The following COL4A2 variants were observed in gnomAD, a reference collection of about 807,000 sequenced individuals.
The protein encoded by COL4A2 is collagen alpha-2(IV) chain.
Under a neutral mutation model 200.2 loss-of-function variants are expected in COL4A2, and 99 were observed. That is an observed-to-expected ratio of 0.49 (90% CI 0.42 to 0.58). The LOEUF is 0.58. COL4A2 is among the 20% of genes least tolerant of loss of function. The probability of loss-of-function intolerance (pLI) is 0.00; values close to 1 mark genes in which losing one functional copy is unlikely to be tolerated. For synonymous variants in COL4A2, 897 were observed against 900.6 expected (o/e 1.00, Z 0.07); for missense variants, 1,950 against 2,314.1 (o/e 0.84, Z 3.23).
chr13:110,507,716 TAGA>T, intron 46 of COL4A2: 2 of 596,018 alleles, frequency 3.4e-6, no homozygotes, highest in South Asian at 2.1e-5. Flanking sequence ...TGAGAACTTG[TAGA>T]AGAACAGAGC....
At chr13:110,311,477 A>G (rs1346835476) in intron 3 of COL4A2, among the ~76,000 whole-genome samples, 1 of 152,188 alleles carries the variant, frequency 6.6e-6, no homozygotes, top group Non-Finnish European at 1.5e-5. Flanking sequence ...TGGGGCGGAC[A>G]TTCGCCAAGC....
chr13:110,308,221 G>T (rs912954865), intron 3 of COL4A2, 98 bp downstream of exon 3: 8 of 1,319,000 alleles, frequency 6.1e-6, no homozygotes, highest in African/African-American at 1.4e-5. Flanking sequence ...GCTCCCGAGT[G>T]TGTGTGTGCG....
In COL4A2 at chr13:110,495,436, C is replaced by T. The variant is rs753652216; in HGVS notation, c.3729C>T (p.Val1243=). ...EANTLPGPVG[V]PGQKGDQGAP... is the part of the protein sequence containing the mutation. ...ACACCCTTCCAGGCCCTGTGGGAGT[C>T]CCAGGACAGAAAGGAGACCAAGGAG... Residue 1243 remains valine, a synonymous_variant, in exon 40 of 48, where the codon GTC becomes GTT. Coordinates refer to ENST00000360467, the MANE Select transcript of COL4A2 (RefSeq NM_001846.4). The T allele has an allele frequency of 1.2e-6, 2 of 1,613,708 alleles. No homozygotes were observed. The highest frequency in any genetic ancestry group is 1.7e-6 in the Non-Finnish European group (2 of 1,179,906).
At chr13:110,418,233 G>C (rs1285561583) in intron 4 of COL4A2, among the ~76,000 whole-genome samples, 4 of 152,154 alleles carry the variant, frequency 2.6e-5, no homozygotes, top group Non-Finnish European at 5.9e-5. Context: ...CATATCTTTA[G>C]TATTGAGTTT....
At chr13:110,395,374 A>C (rs1401178522) in intron 4 of COL4A2, among the ~76,000 whole-genome samples, 1 of 152,182 alleles carries the variant, frequency 6.6e-6, no homozygotes, top group Non-Finnish European at 1.5e-5. Context: ...CATTGTGGAC[A>C]GATACTATAT....
At chr13:110,370,339 A>G (rs530271025) in intron 4 of COL4A2, among the ~76,000 whole-genome samples, 1 of 152,084 alleles carries the variant, frequency 6.6e-6, no homozygotes, top group South Asian at 2.1e-4. Flanking sequence ...TCTCGACTCA[A>G]TGCAACCTCC....
At chr13:110,319,313 G>T (rs1212310997) in intron 3 of COL4A2, among the ~76,000 whole-genome samples, 1 of 152,182 alleles carries the variant, frequency 6.6e-6, no homozygotes, top group East Asian at 1.9e-4. Context: ...TTAAATTTCA[G>T]TCAAGGTGTA....
intron 4 of COL4A2, among the ~76,000 whole-genome samples, chr13:110,420,663 C>T (rs901835819): frequency 3.3e-5 from 5 of 152,134 alleles, no homozygotes; most frequent in African/African-American, 9.7e-5. Context: ...CTTTTCCTGT[C>T]GGGACTTTTT....
At chr13:110,350,387 A>G (rs2139380326) in intron 3 of COL4A2, among the ~76,000 whole-genome samples, 1 of 152,370 alleles carries the variant, frequency 6.6e-6, no homozygotes, top group South Asian at 2.1e-4. Context: ...TTTTAAAAAA[A>G]TTAAAAGAGA....
At chr13:110,373,138 T>C in intron 4 of COL4A2, among the ~76,000 whole-genome samples, 1 of 152,226 alleles carries the variant, frequency 6.6e-6, no homozygotes, top group East Asian at 1.9e-4. Flanking sequence ...TATGAATCAT[T>C]TGGGGTGTCT....
At chr13:110,494,432 T>C (rs1456446543) in intron 39 of COL4A2, among the ~76,000 whole-genome samples, 11 of 152,238 alleles carry the variant, frequency 7.2e-5, no homozygotes, top group Admixed American at 1.3e-4. Flanking sequence ...AAATCTATTA[T>C]AGGACTAATA....
intron 13 of COL4A2, 27 bp from the exon 14 acceptor site, chr13:110,437,975 G>A (rs553466101): frequency 2.1e-5 from 34 of 1,593,926 alleles, no homozygotes; most frequent in Admixed American, 6.7e-5. Context: ...ATTAATAAGC[G>A]TTTCTTATTT....
At chr13:110,365,164 G>A (rs763111379) in intron 4 of COL4A2, among the ~76,000 whole-genome samples, 21 of 151,480 alleles carry the variant, frequency 1.4e-4, no homozygotes, top group Non-Finnish European at 2.2e-4. Context: ...TTTTCGAGGC[G>A]GAGTTTCGCT....
At chr13:110,507,149 AG>A (rs922650142) in intron 46 of COL4A2, among the ~76,000 whole-genome samples, 2 of 152,188 alleles carry the variant, frequency 1.3e-5, no homozygotes, top group Admixed American at 1.3e-4. Flanking sequence ...GTCCTCTTTG[AG>A]GGGGTGACGG....
At chr13:110,439,586 A>G (rs981851915) in intron 15 of COL4A2, among the ~76,000 whole-genome samples, 2 of 152,120 alleles carry the variant, frequency 1.3e-5, no homozygotes, top group Non-Finnish European at 2.9e-5. Context: ...CCTCCCCACA[A>G]CTTTGTAAAG....
At chr13:110,308,666 C>G (rs1051166556) in intron 3 of COL4A2, among the ~76,000 whole-genome samples, 1 of 152,234 alleles carries the variant, frequency 6.6e-6, no homozygotes, top group Admixed American at 6.5e-5. Flanking sequence ...CGTTTTCTCC[C>G]AAGTCCTGTT....
At chr13:110,342,701 A>C (rs975567929) in intron 3 of COL4A2, among the ~76,000 whole-genome samples, 25 of 152,290 alleles carry the variant, frequency 1.6e-4, no homozygotes, top group African/African-American at 6.0e-4. Context: ...CGCCCCCACG[A>C]AACATGGCCT....
chr13:110,503,322 C>T (rs760931396), intron 42 of COL4A2, 40 bp downstream of exon 42: 1 of 1,589,938 alleles, frequency 6.3e-7, no homozygotes, highest in Admixed American at 1.8e-5. Context: ...GCCCTGGCCA[C>T]AGTGAGAGGA....
intron 18 of COL4A2, among the ~76,000 whole-genome samples, chr13:110,447,947 T>C (rs535175662): frequency 1.3e-5 from 2 of 152,314 alleles, no homozygotes; most frequent in East Asian, 3.9e-4. Flanking sequence ...CTTCATCCAA[T>C]GCTGATCAAA....
Sources: allele counts gnomAD v4.1 joint callset (sites outside exome capture counted in the v4.1 genomes callset), GRCh38; gene constraint gnomAD v4.1.1; transcripts MANE v1.5; gene names NCBI Gene and HGNC (gene_info 2026-07-23, HGNC 2026-07-21).